TTC28: variants seen among roughly 807,000 people sequenced by gnomAD.
The protein encoded by TTC28 is tetratricopeptide repeat protein 28.
Under a neutral mutation model 198.0 loss-of-function variants are expected in TTC28, and 61 were observed. The observed-to-expected ratio is 0.31, with a 90% CI of 0.25 to 0.38. TTC28 has a LOEUF of 0.38. TTC28 is among the 10% of genes least tolerant of loss of function. The probability of loss-of-function intolerance (pLI) is 1.00; values close to 1 mark genes in which losing one functional copy is unlikely to be tolerated. For synonymous variants in TTC28, 1,171 were observed against 1,297.8 expected (o/e 0.90, Z 2.10); for missense variants, 2,678 against 3,164.0 (o/e 0.85, Z 3.69).
intron 2 of TTC28, among the ~76,000 whole-genome samples, chr22:28,552,220 A>G (rs888590624): frequency 9.8e-5 from 15 of 152,364 alleles, no homozygotes; most frequent in African/African-American, 3.1e-4. Context: ...TACTGCTGAA[A>G]GAAATCACAG....
At position 28,105,390 on chromosome 22, in the gene TTC28, T is replaced by C; in HGVS notation, c.3196A>G (p.Ile1066Val). 1.9e-6 allele frequency: 3 copies of C among 1,551,748 alleles called. No individual in the cohort carries two copies. The highest frequency in any genetic ancestry group is 2.6e-6 in the Non-Finnish European group (3 of 1,147,000). ...GCCAAGTCATTCATCTGTGCAGCAA[T>C]GCTCAAGTGCTGTTCTTGATAGACC... ...AVVYQEQHLS[I>V]AAQMNDLAAK... is the part of the protein sequence containing the mutation. The change falls in exon 8 of 23, where the codon ATT becomes GTT. Residue 1066 changes from isoleucine to valine, a missense_variant. By Grantham distance (29) the Ile-to-Val change is conservative. This residue lies in a region of TTC28 where 727 missense variants were observed against 861.9 expected (regional missense o/e 0.84). Transcript: ENST00000397906.
chr22:28,073,119 T>G (rs1053343493), intron 12 of TTC28, among the ~76,000 whole-genome samples: 1 of 152,002 alleles, frequency 6.6e-6, no homozygotes, highest in African/African-American at 2.4e-5. Context: ...ACTGATTAAA[T>G]CAACAGCAAC....
chr22:28,535,586 A>G (rs1425717406), intron 2 of TTC28, among the ~76,000 whole-genome samples: 1 of 152,148 alleles, frequency 6.6e-6, no homozygotes, highest in African/African-American at 2.4e-5. Flanking sequence ...TTAATGGGTC[A>G]TATGGTTTGG....
At chr22:28,282,258 T>G (rs1321884817) in intron 5 of TTC28, among the ~76,000 whole-genome samples, 5 of 152,230 alleles carry the variant, frequency 3.3e-5, no homozygotes, top group Non-Finnish European at 7.3e-5. Flanking sequence ...GAATCTTCTC[T>G]CTTTCCTTTG....
chr22:28,529,081 CCA>C (rs1353836230), intron 2 of TTC28, among the ~76,000 whole-genome samples: 1 of 152,112 alleles, frequency 6.6e-6, no homozygotes, highest in African/African-American at 2.4e-5. Context: ...TGGGTGCAGC[CCA>C]CAGAGTGTGA....
chr22:28,337,860 T>C (rs548382640), intron 2 of TTC28, among the ~76,000 whole-genome samples: 1 of 152,326 alleles, frequency 6.6e-6, no homozygotes, highest in South Asian at 2.1e-4. Context: ...AATATTGTTA[T>C]GTGTGAATTT....
intron 2 of TTC28, among the ~76,000 whole-genome samples, chr22:28,358,425 T>C (rs1256901211): frequency 6.6e-6 from 1 of 152,220 alleles, no homozygotes; most frequent in Non-Finnish European, 1.5e-5. Context: ...CAGCATTACT[T>C]GTCATGAAGT....
chr22:28,534,355 A>G (rs1326921961), intron 2 of TTC28, among the ~76,000 whole-genome samples: 3 of 152,226 alleles, frequency 2.0e-5, no homozygotes, highest in Non-Finnish European at 2.9e-5. Context: ...AATAAAAACC[A>G]CAATGAGATA....
rs1487158165 is a variant in TTC28, at chr22:27,993,351, G to A, written c.5412C>T (p.Phe1804=). The stretch of plus-strand genomic sequence containing the variant: ...GGTCGCCCGGGTCGGAGGTTGGGAA[G>A]AAGACAGCCGCTGGCAGGCCACTGG... The part of the protein sequence containing the change: ...PPTSGLPAAV[F]FPTSDPGDRL... The change falls in exon 18 of 23, where the codon TTC becomes TTT. Residue 1804 remains phenylalanine, a synonymous_variant. Coordinates refer to ENST00000397906, the MANE Select transcript of TTC28 (RefSeq NM_001145418.2). 1.3e-5 allele frequency: 20 copies of A among 1,550,764 alleles called. No homozygotes were observed. Among genetic ancestry groups the A allele is most frequent in the Middle Eastern group, 1.7e-4 (1 of 5,986 alleles).
chr22:28,648,486 T>C (rs556577410), intron 1 of TTC28, among the ~76,000 whole-genome samples: 73 of 152,306 alleles, frequency 4.8e-4, no homozygotes, highest in South Asian at 4.8e-3. Context: ...ACAATCCCAC[T>C]ACTGGGTATC....
intron 21 of TTC28, among the ~76,000 whole-genome samples, chr22:27,988,302 T>TTTG (rs1937283185): frequency 1.3e-5 from 2 of 149,822 alleles, no homozygotes; most frequent in Non-Finnish European, 3.0e-5. Flanking sequence ...TTTTTTTTTT[T>TTTG]GAGACAGAGC....
Position 28,289,808 on chromosome 22 carries a change from C to T in TTC28, c.933+6390G>A, listed in dbSNP as rs145343116. The stretch of plus-strand genomic sequence containing the variant: ...TGGGAGGCCAAGGCGGGTGGATCAC[C>T]TGAGATCAGGAGATCGAGACCAGCC... On this transcript the variant is annotated intron_variant, in intron 5 of 22. Coordinates refer to ENST00000397906, the MANE Select transcript of TTC28 (RefSeq NM_001145418.2). Among the ~76,000 whole-genome samples the T allele has an allele frequency of 8.3e-4, 126 of 152,216 alleles. No individual in the cohort carries two copies. The East Asian group carries it at 0.019, about 23-fold the overall frequency.
intron 12 of TTC28, among the ~76,000 whole-genome samples, chr22:28,090,160 TA>T (rs1433275523): frequency 6.6e-6 from 1 of 151,932 alleles, no homozygotes; most frequent in Non-Finnish European, 1.5e-5. Context: ...AAAAAAAAGT[TA>T]AAAATAAGGA....
chr22:28,314,515 T>G (rs1278184207), intron 2 of TTC28, among the ~76,000 whole-genome samples: 2 of 151,944 alleles, frequency 1.3e-5, no homozygotes, highest in Non-Finnish European at 2.9e-5. Context: ...CCAAAACAGA[T>G]ATATAGACCA....
intron 5 of TTC28, among the ~76,000 whole-genome samples, chr22:28,176,544 T>C (rs1923182803): frequency 6.6e-6 from 1 of 152,134 alleles, no homozygotes; most frequent in South Asian, 2.1e-4. Flanking sequence ...TACTGTATAT[T>C]ACAAAACAGC....
chr22:28,358,678 T>C (rs2046114017), intron 2 of TTC28, among the ~76,000 whole-genome samples: 1 of 152,206 alleles, frequency 6.6e-6, no homozygotes, highest in South Asian at 2.1e-4. Flanking sequence ...AAATTCATTC[T>C]TCTACTTAGT....
rs1569001143 is a variant in TTC28 at position 28,528,890 on chromosome 22, CA to C, written c.381+100661del. Among the ~76,000 whole-genome samples, 9 of 152,008 alleles carry C rather than the reference CA, an allele frequency of 5.9e-5. No individual in the cohort carries two copies. The South Asian group carries it at 1.9e-3, about 32-fold the overall frequency. On this transcript the variant is annotated intron_variant, in intron 2 of 22. Transcript: ENST00000397906. ...AAGGCAGTAAAATTAATATGAAAAA[CA>C]AATGGACTTCAGACATACAAACAAC... is the stretch of plus-strand genomic sequence containing the variant.
intron 5 of TTC28, among the ~76,000 whole-genome samples, chr22:28,214,339 C>G (rs1419127264): frequency 6.6e-6 from 1 of 152,176 alleles, no homozygotes; most frequent in Non-Finnish European, 1.5e-5. Flanking sequence ...TCAGAGTGAA[C>G]AGGCAACCTA....
intron 2 of TTC28, among the ~76,000 whole-genome samples, chr22:28,384,405 C>T (rs1036589879): frequency 6.6e-6 from 1 of 152,050 alleles, no homozygotes; most frequent in South Asian, 2.1e-4. Context: ...CACTCTTTAT[C>T]GCTCCTCTTT....
Sources: gnomAD v4.1 joint callset for allele counts (sites outside exome capture counted in the v4.1 genomes callset) on GRCh38, gnomAD v4.1.1 for gene constraint, gnomAD v4.1.1 regional missense constraint, MANE v1.5 for transcripts, NCBI Gene and HGNC (gene_info 2026-07-23, HGNC 2026-07-21) for gene names.